The following TNFAIP8 variants were observed in gnomAD, a reference collection of about 807,000 sequenced individuals.
TNFAIP8 encodes the protein tumor necrosis factor alpha-induced protein 8.
A neutral mutation model predicts 13.3 loss-of-function variants in TNFAIP8; 7 were observed. The observed-to-expected ratio is 0.52, with a 90% CI of 0.30 to 0.99. TNFAIP8 has a LOEUF of 0.99. Among genes scored for constraint, TNFAIP8 ranks in the 50% least tolerant of loss-of-function variants. The probability of loss-of-function intolerance (pLI) is 0.07; values close to 1 mark genes in which losing one functional copy is unlikely to be tolerated. For missense variants in TNFAIP8, 258 were observed against 236.9 expected, an observed-to-expected ratio of 1.09 and a Z score of -0.58; for synonymous variants, 94 against 87.6, an observed-to-expected ratio of 1.07 and a Z score of -0.41.
chr5:119,272,135 T>C (rs1748310351), intron 1 of TNFAIP8, among the ~76,000 whole-genome samples: 2 of 152,338 alleles, frequency 1.3e-5, no homozygotes, highest in South Asian at 4.1e-4. Context: ...GGAAATGAGC[T>C]ACAAGTGGAG....
rs965669973 is a variant in TNFAIP8 at position 119,396,137 on chromosome 5, T to C, written c.*2756T>C. The C allele has an allele frequency of 1.6e-4, 24 of 152,190 alleles. No homozygotes were observed. The highest frequency in any genetic ancestry group is 5.8e-4 in the African/African-American group (24 of 41,450). The allele number at this position is 152,190 out of a possible 1,614,324, so 9.4% of individuals were successfully genotyped here. ...TGCTCGAGGTGTCCCAGCCGGAATA[T>C]GTATAAAATCTTATTTTCACTTAAA... On this transcript the variant is annotated 3_prime_UTR_variant, in exon 2 of 2. Coordinates refer to ENST00000504771, the MANE Select transcript of TNFAIP8 (RefSeq NM_014350.4).
chr5:119,302,695 C>T (rs1034577105), intron 1 of TNFAIP8, among the ~76,000 whole-genome samples: 2 of 152,126 alleles, frequency 1.3e-5, no homozygotes, highest in Admixed American at 6.5e-5. Flanking sequence ...TGGATCAGTG[C>T]GTTAATTTCC....
Position 119,356,071 on chromosome 5 carries a change from C to T in TNFAIP8, c.-20C>T, listed in dbSNP as rs1317169628. 8 of 1,577,142 alleles carry T rather than the reference C, an allele frequency of 5.1e-6. No homozygotes were observed. The highest frequency in any genetic ancestry group is 3.5e-5 in the South Asian group (3 of 86,488). On this transcript the variant is annotated 5_prime_UTR_variant, in exon 1 of 2. Transcript: ENST00000504771. ...TACATGTGAGCGGTAATCGCCCCTG[C>T]AGCTGGTTATCCTGACATTATGCAC...
At chr5:119,355,919 C>G, upstream of TNFAIP8, 4 of 1,353,752 alleles carry the variant, frequency 3.0e-6, no homozygotes, top group South Asian at 4.2e-5. Flanking sequence ...AGAACTTTCC[C>G]CCTGAAAATC....
At chr5:119,321,683 T>TGCTTCTCCCACCATC (rs1377942378) in intron 1 of TNFAIP8, among the ~76,000 whole-genome samples, 6 of 152,170 alleles carry the variant, frequency 3.9e-5, no homozygotes, top group African/African-American at 1.4e-4. Context: ...TAAATCTCAC[T>TGCTTCTCCCACCATC]GCTTCTCCCA....
intron 1 of TNFAIP8, among the ~76,000 whole-genome samples, chr5:119,386,022 C>A (rs1218474185): frequency 6.6e-6 from 1 of 152,146 alleles, no homozygotes; most frequent in South Asian, 2.1e-4. Context: ...GAACCATTAG[C>A]TACAGAGTAT....
chr5:119,298,385 T>G (rs1749248028), intron 1 of TNFAIP8, among the ~76,000 whole-genome samples: 1 of 152,138 alleles, frequency 6.6e-6, no homozygotes, highest in Non-Finnish European at 1.5e-5. Flanking sequence ...GGGCTGGATA[T>G]GAAATTCTGG....
intron 1 of TNFAIP8, among the ~76,000 whole-genome samples, chr5:119,383,686 C>T (rs1275859384): frequency 6.6e-6 from 1 of 152,128 alleles, no homozygotes; most frequent in Non-Finnish European, 1.5e-5. Context: ...AGAAAAAAAA[C>T]AAATCTAAGT....
At chr5:119,268,994 C>A in intron 1 of TNFAIP8, 1 of 631,306 alleles carries the variant, frequency 1.6e-6, no homozygotes, top group South Asian at 1.7e-5. Context: ...CGGGGAGCGC[C>A]TCCGGCTCAG....
intron 1 of TNFAIP8, among the ~76,000 whole-genome samples, chr5:119,310,651 A>G (rs1428810742): frequency 6.6e-6 from 1 of 152,140 alleles, no homozygotes; most frequent in Non-Finnish European, 1.5e-5. Context: ...CCTGGCTAAT[A>G]TGGTAAAACC....
chr5:119,331,496 T>C (rs1750378833), intron 1 of TNFAIP8, among the ~76,000 whole-genome samples: 1 of 152,162 alleles, frequency 6.6e-6, no homozygotes, highest in Non-Finnish European at 1.5e-5. Context: ...GATGCTTTGC[T>C]TTTTGTTCTC....
chr5:119,301,973 T>C (rs754719144), intron 1 of TNFAIP8, among the ~76,000 whole-genome samples: 1 of 152,256 alleles, frequency 6.6e-6, no homozygotes, highest in Non-Finnish European at 1.5e-5. Context: ...AAGAATTTTC[T>C]AGTTTATCTT....
chr5:119,322,481 A>G (rs986309457), intron 1 of TNFAIP8, among the ~76,000 whole-genome samples: 4 of 152,142 alleles, frequency 2.6e-5, no homozygotes, highest in African/African-American at 7.2e-5. Context: ...CTGTTTACCA[A>G]TAACTCCAGA....
At chr5:119,354,562 A>C (rs558395705), upstream of TNFAIP8, 8 of 152,228 alleles carry the variant, frequency 5.3e-5, no homozygotes, top group Non-Finnish European at 1.0e-4. Flanking sequence ...ATAAAAATTT[A>C]CTTTTAATGG....
intron 1 of TNFAIP8, among the ~76,000 whole-genome samples, chr5:119,301,677 A>T (rs1749399298): frequency 6.6e-6 from 1 of 152,234 alleles, no homozygotes; most frequent in African/African-American, 2.4e-5. Context: ...GATTTTTGAA[A>T]TGAACAATCT....
chr5:119,328,076 G>A (rs1486717997), intron 1 of TNFAIP8, among the ~76,000 whole-genome samples: 1 of 152,086 alleles, frequency 6.6e-6, no homozygotes, highest in Non-Finnish European at 1.5e-5. Flanking sequence ...CAACCCAGCT[G>A]GGCTTGAAAT....
chr5:119,318,721 C>T (rs1162032435), intron 1 of TNFAIP8, among the ~76,000 whole-genome samples: 1 of 150,808 alleles, frequency 6.6e-6, no homozygotes, highest in East Asian at 2.0e-4. Flanking sequence ...GCCCCTCCTC[C>T]CCTTCCTCCT....
At chr5:119,335,655 A>T (rs1366975684) in intron 1 of TNFAIP8, among the ~76,000 whole-genome samples, 1 of 152,050 alleles carries the variant, frequency 6.6e-6, no homozygotes, top group African/African-American at 2.4e-5. Flanking sequence ...ATCCATGGAC[A>T]TATCTATTCA....
intron 1 of TNFAIP8, among the ~76,000 whole-genome samples, chr5:119,291,195 T>A (rs1334899431): frequency 1.3e-5 from 2 of 152,246 alleles, no homozygotes; most frequent in African/African-American, 4.8e-5. Context: ...CGTGTATTTA[T>A]CTTGTTATCA....
Sources: gnomAD v4.1 joint callset for allele counts (sites outside exome capture counted in the v4.1 genomes callset) on GRCh38, gnomAD v4.1.1 for gene constraint, MANE v1.5 for transcripts, NCBI Gene and HGNC (gene_info 2026-07-23, HGNC 2026-07-21) for gene names.